CTNND2: variants seen among roughly 807,000 people sequenced by gnomAD.
CTNND2 encodes catenin delta 2.
CTNND2 carries 22 observed loss-of-function variants against 144.4 expected under a neutral mutation model. The ratio of observed to expected loss-of-function variants is 0.15; its 90% CI spans 0.11 to 0.22. The LOEUF is 0.22. CTNND2 is among the 10% of genes least tolerant of loss of function. The pLI is 1.00. For missense variants in CTNND2, 1,353 were observed against 1,618.8 expected, an observed-to-expected ratio of 0.84 and a Z score of 2.82; for synonymous variants, 751 against 695.6, an observed-to-expected ratio of 1.08 and a Z score of -1.25.
At chr5:11,869,404 C>T (rs1795922942) in intron 1 of CTNND2, among the ~76,000 whole-genome samples, 1 of 152,140 alleles carries the variant, frequency 6.6e-6, no homozygotes, top group Non-Finnish European at 1.5e-5. Context: ...AAGAAGGTGC[C>T]AACTTCTGAC....
At chr5:11,190,363 A>T (rs1736118423) in intron 11 of CTNND2, among the ~76,000 whole-genome samples, 1 of 152,104 alleles carries the variant, frequency 6.6e-6, no homozygotes. Flanking sequence ...GCCATGAGGA[A>T]CTCTGCTTCC....
chr5:11,254,547 G>T (rs1744021420), intron 9 of CTNND2, among the ~76,000 whole-genome samples: 1 of 152,134 alleles, frequency 6.6e-6, no homozygotes, highest in African/African-American at 2.4e-5. Context: ...GCAGGCTGTG[G>T]TCAGAGGCAA....
intron 3 of CTNND2, among the ~76,000 whole-genome samples, chr5:11,441,368 ATTTTTTTT>A (rs774610481): frequency 1.0e-5 from 1 of 98,756 alleles, no homozygotes; most frequent in Non-Finnish European, 2.0e-5. Context: ...CCAATGTGGG[ATTTTTTTT>A]TTTTTTTTTT....
chr5:11,216,222 C>A (rs1739160944), intron 10 of CTNND2, among the ~76,000 whole-genome samples: 1 of 152,046 alleles, frequency 6.6e-6, no homozygotes, highest in Non-Finnish European at 1.5e-5. Context: ...AGAACAATGC[C>A]CCCCCACCGC....
At chr5:11,141,796 C>T (rs1157622738) in intron 12 of CTNND2, among the ~76,000 whole-genome samples, 1 of 152,188 alleles carries the variant, frequency 6.6e-6, no homozygotes, top group Non-Finnish European at 1.5e-5. Flanking sequence ...TGATTGATTT[C>T]TTTGCCTGTT....
intron 2 of CTNND2, among the ~76,000 whole-genome samples, chr5:11,610,301 G>C (rs775788102): frequency 6.6e-6 from 1 of 152,074 alleles, no homozygotes; most frequent in Non-Finnish European, 1.5e-5. Flanking sequence ...GCTTCATCTC[G>C]CCTCATACAC....
chr5:11,578,458 C>T (rs1387122024), intron 2 of CTNND2, among the ~76,000 whole-genome samples: 2 of 151,846 alleles, frequency 1.3e-5, no homozygotes, highest in African/African-American at 4.8e-5. Flanking sequence ...GTCAGGAGTT[C>T]GAGGCCAGCC....
At chr5:11,523,928 T>C (rs1772985708) in intron 3 of CTNND2, among the ~76,000 whole-genome samples, 1 of 152,236 alleles carries the variant, frequency 6.6e-6, no homozygotes, top group Admixed American at 6.5e-5. Flanking sequence ...TGGTGCTCTA[T>C]CTGTGTTGCT....
At chr5:11,193,204 C>T (rs1736505462) in intron 11 of CTNND2, among the ~76,000 whole-genome samples, 1 of 152,174 alleles carries the variant, frequency 6.6e-6, no homozygotes, top group African/African-American at 2.4e-5. Context: ...TACACATCAG[C>T]TAACTTAAGA....
At chr5:11,641,778 G>A (rs182514854) in intron 2 of CTNND2, among the ~76,000 whole-genome samples, 1 of 143,056 alleles carries the variant, frequency 7.0e-6, no homozygotes, top group East Asian at 2.3e-4. Context: ...GTATATGTAT[G>A]TACATACATA....
At chr5:11,643,207 A>G (rs1052039790) in intron 2 of CTNND2, among the ~76,000 whole-genome samples, 3 of 149,668 alleles carry the variant, frequency 2.0e-5, no homozygotes, top group Non-Finnish European at 4.5e-5. Context: ...TCATACATTT[A>G]ATATTTTATT....
At chr5:11,452,324 T>C (rs950587266) in intron 3 of CTNND2, among the ~76,000 whole-genome samples, 1 of 152,318 alleles carries the variant, frequency 6.6e-6, no homozygotes, top group African/African-American at 2.4e-5. Context: ...ATGAATTTCA[T>C]GCTCCACAAA....
intron 21 of CTNND2, among the ~76,000 whole-genome samples, chr5:10,977,371 C>A (rs570662988): frequency 1.3e-5 from 2 of 152,308 alleles, no homozygotes; most frequent in African/African-American, 4.8e-5. Context: ...TAGATAGATA[C>A]CGTTCAACAT....
intron 12 of CTNND2, among the ~76,000 whole-genome samples, chr5:11,117,807 C>T (rs541040405): frequency 2.1e-3 from 318 of 152,302 alleles, no homozygotes; most frequent in Non-Finnish European, 3.7e-3. Context: ...ACTCCTAATA[C>T]GGGATCTGTG....
At position 11,904,264 on chromosome 5, in the gene CTNND2, G is replaced by A. The variant is rs1028889765; in HGVS notation, c.-411C>T. ...GCCGCCGCGGCGCCCGGCGCCGAGC[G>A]CTCCCGAGCTGCGCCCCGCGCGCGG... On this transcript the variant is annotated 5_prime_UTR_variant, in exon 1 of 22. Transcript: ENST00000304623. This position sits in a 1 kb window ranked among gnomAD's most constrained non-coding sequence, Gnocchi z 4.2. 6.9e-6 allele frequency among the ~76,000 whole-genome samples: 1 copy of A among 145,836 alleles called. No individual in the cohort carries two copies. The highest frequency in any genetic ancestry group is 2.5e-5 in the African/African-American group (1 of 40,734).
At chr5:11,433,683 T>C (rs1763503936) in intron 3 of CTNND2, among the ~76,000 whole-genome samples, 1 of 152,070 alleles carries the variant, frequency 6.6e-6, no homozygotes, top group South Asian at 2.1e-4. Flanking sequence ...AGATCTTCTG[T>C]GAACGAAGAG....
intron 16 of CTNND2, among the ~76,000 whole-genome samples, chr5:11,062,833 G>T (rs907394709): frequency 2.6e-5 from 4 of 152,178 alleles, no homozygotes; most frequent in African/African-American, 9.6e-5. Flanking sequence ...TCTTTCACAC[G>T]TTCCCTTCTC....
At chr5:11,133,184 G>GA (rs1755781620) in intron 12 of CTNND2, among the ~76,000 whole-genome samples, 1 of 151,904 alleles carries the variant, frequency 6.6e-6, no homozygotes, top group Admixed American at 6.6e-5. Context: ...TTTCATATAA[G>GA]AAAAAATATA....
At chr5:11,022,736 A>G (rs918592269) in intron 17 of CTNND2, 33 bp downstream of exon 17, 14 of 1,571,102 alleles carry the variant, frequency 8.9e-6, no homozygotes, top group Middle Eastern at 2.1e-4. Context: ...CAATTTTACC[A>G]GGACAGAGAT....
Sources: gnomAD v4.1 joint callset for allele counts (sites outside exome capture counted in the v4.1 genomes callset) on GRCh38, gnomAD v4.1.1 for gene constraint, Gnocchi (gnomAD v3.1) non-coding constraint, MANE v1.5 for transcripts, NCBI Gene and HGNC (gene_info 2026-07-23, HGNC 2026-07-21) for gene names.